Variants in ADGRV1 observed in about 807,000 individuals in gnomAD.
ADGRV1 encodes adhesion G protein-coupled receptor V1.
A neutral mutation model predicts 596.2 loss-of-function variants in ADGRV1; 359 were observed. The ratio of observed to expected loss-of-function variants is 0.60; its 90% confidence interval spans 0.55 to 0.66. The LOEUF (loss-of-function observed/expected upper bound fraction) is 0.66. Among genes scored for constraint, ADGRV1 ranks in the 30% least tolerant of loss-of-function variants. The probability of loss-of-function intolerance (pLI) is 0.00; values close to 1 mark genes in which losing one functional copy is unlikely to be tolerated. For missense variants in ADGRV1, 7,274 were observed against 7,575.6 expected, an observed-to-expected ratio of 0.96 and a Z score of 1.48; for synonymous variants, 2,681 against 2,679.2, an observed-to-expected ratio of 1.00 and a Z score of -0.02.
chr5:90,808,221 A>G (rs575043218), intron 73 of ADGRV1, among the ~76,000 whole-genome samples: 17 of 152,338 alleles, frequency 1.1e-4, no homozygotes, highest in Non-Finnish European at 2.2e-4. Context: ...GTATATTTGC[A>G]GATAAATACG....
At chr5:90,558,984 C>G in intron 1 of ADGRV1, 67 bp downstream of exon 1, 2 of 1,396,776 alleles carry the variant, frequency 1.4e-6, no homozygotes, top group Non-Finnish European at 1.9e-6. Flanking sequence ...TCAGCATCAG[C>G]ACCTGTTGCT....
chr5:90,576,555 A>G (rs1319472359), intron 1 of ADGRV1, among the ~76,000 whole-genome samples: 1 of 152,152 alleles, frequency 6.6e-6, no homozygotes, highest in Non-Finnish European at 1.5e-5. Context: ...GCTATTGTGA[A>G]TAGTGCCGCA....
chr5:90,704,612 C>A, intron 36 of ADGRV1, 124 bp downstream of exon 36: 1 of 578,714 alleles, frequency 1.7e-6, no homozygotes, highest in Non-Finnish European at 3.0e-6. Context: ...TATTATGTGT[C>A]CCCTAGAAAT....
chr5:90,861,320 T>A (rs1767537067), intron 82 of ADGRV1, among the ~76,000 whole-genome samples: 1 of 152,032 alleles, frequency 6.6e-6, no homozygotes, highest in African/African-American at 2.4e-5. Context: ...TTTTTGTTTT[T>A]GTTTTTGGAG....
intron 83 of ADGRV1, among the ~76,000 whole-genome samples, chr5:90,891,358 T>A (rs1581432803): frequency 6.6e-6 from 1 of 151,404 alleles, no homozygotes; most frequent in Non-Finnish European, 1.5e-5. Flanking sequence ...TCGAAATAGC[T>A]TTTAAGAAAA....
At chr5:91,156,922 T>C (rs977539942) in intron 89 of ADGRV1, among the ~76,000 whole-genome samples, 2 of 152,208 alleles carry the variant, frequency 1.3e-5, no homozygotes, top group Non-Finnish European at 2.9e-5. Context: ...TAACATTTTT[T>C]GAGCCAATAT....
chr5:90,711,401 G>T, intron 41 of ADGRV1, 79 bp downstream of exon 41: 1 of 1,048,364 alleles, frequency 9.5e-7, no homozygotes, highest in Non-Finnish European at 1.3e-6. Context: ...CAGTGATTTA[G>T]GTCCCATATA....
At chr5:90,855,948 A>T (rs746346659) in intron 82 of ADGRV1, 47 bp downstream of exon 82, 2 of 1,468,094 alleles carry the variant, frequency 1.4e-6, no homozygotes, top group Admixed American at 1.7e-5. Flanking sequence ...ATTTATGAAA[A>T]TGAAAGTCTG....
intron 1 of ADGRV1, among the ~76,000 whole-genome samples, chr5:90,610,692 G>C (rs903630164): frequency 2.0e-5 from 3 of 151,986 alleles, no homozygotes; most frequent in African/African-American, 7.2e-5. Context: ...ATCCTAATAT[G>C]AGTTTGCAGT....
chr5:91,010,270 G>T (rs1487305824), intron 85 of ADGRV1, among the ~76,000 whole-genome samples: 1 of 152,066 alleles, frequency 6.6e-6, no homozygotes, highest in Non-Finnish European at 1.5e-5. Context: ...TTCATACGCA[G>T]TTCCTGGGGT....
chr5:90,646,775 C>CT (rs550562464), intron 16 of ADGRV1, among the ~76,000 whole-genome samples: 1,641 of 96,510 alleles, frequency 0.017, 15 homozygotes, highest in African/African-American at 0.044. Flanking sequence ...CTTTCTTCTT[C>CT]TTTTTTTTTT....
chr5:90,823,163 A>G (rs1318317722), intron 75 of ADGRV1, among the ~76,000 whole-genome samples: 1 of 152,322 alleles, frequency 6.6e-6, no homozygotes, highest in East Asian at 1.9e-4. Flanking sequence ...TTCCTTATAC[A>G]GAGTATTAGG....
At chr5:90,667,373 G>A (rs914910389) in intron 21 of ADGRV1, among the ~76,000 whole-genome samples, 12 of 146,528 alleles carry the variant, frequency 8.2e-5, no homozygotes, top group East Asian at 2.0e-4. Flanking sequence ...ATCTTCCATC[G>A]CTGATACCTT....
intron 85 of ADGRV1, among the ~76,000 whole-genome samples, chr5:91,032,692 A>G (rs1030271882): frequency 2.0e-5 from 3 of 152,054 alleles, no homozygotes. Flanking sequence ...AAGAAACAAA[A>G]TCTCCCATTA....
intron 42 of ADGRV1, among the ~76,000 whole-genome samples, chr5:90,716,055 T>C (rs1379965786): frequency 6.6e-6 from 1 of 152,180 alleles, no homozygotes; most frequent in Non-Finnish European, 1.5e-5. Flanking sequence ...ATCTAGAAAA[T>C]AGTGACAGTT....
rs1793528841 is a variant in ADGRV1, at chr5:91,123,835, A to G, written c.18432+21495A>G. 2.0e-5 allele frequency among the ~76,000 whole-genome samples: 3 copies of G among 152,340 alleles called. 1 individual carries two copies. The highest frequency in any genetic ancestry group is 4.1e-4 in the South Asian group (2 of 4,830). ...CAAAATATCTGTCTGTTAGCAAAAC[A>G]TGCAAAAATGCCTGCCCTTGAGAAA... On this transcript the variant is annotated intron_variant, in intron 87 of 89. Transcript: ENST00000405460.
intron 83 of ADGRV1, among the ~76,000 whole-genome samples, chr5:90,953,017 G>C (rs1777176932): frequency 6.6e-6 from 1 of 152,102 alleles, no homozygotes; most frequent in South Asian, 2.1e-4. Context: ...TCACCAGTGA[G>C]GTTCATTGGT....
At chr5:90,867,461 T>C (rs1768235848) in intron 83 of ADGRV1, among the ~76,000 whole-genome samples, 1 of 152,152 alleles carries the variant, frequency 6.6e-6, no homozygotes, top group Non-Finnish European at 1.5e-5. Flanking sequence ...TTCTGCAACA[T>C]TTTGGGATGT....
chr5:91,135,759 T>A (rs2126816988), intron 87 of ADGRV1, among the ~76,000 whole-genome samples: 1 of 152,270 alleles, frequency 6.6e-6, no homozygotes, highest in South Asian at 2.1e-4. Flanking sequence ...GAAATCCAGT[T>A]TTCTTGCTTA....
Sources: allele counts gnomAD v4.1 joint callset (sites outside exome capture counted in the v4.1 genomes callset), GRCh38; gene constraint gnomAD v4.1.1; transcripts MANE v1.5; gene names NCBI Gene and HGNC (gene_info 2026-07-23, HGNC 2026-07-21).